Variants in RXFP1 observed in about 807,000 individuals in gnomAD.
The protein encoded by RXFP1 is relaxin family peptide receptor 1, also known as relaxin receptor 1.
In RXFP1, 73 loss-of-function variants were observed where a neutral mutation model predicts 89.8. The ratio of observed to expected loss-of-function variants is 0.81; its 90% CI spans 0.67 to 0.99. The LOEUF is 0.99. Among genes scored for constraint, RXFP1 ranks in the 50% least tolerant of loss-of-function variants. RXFP1 has a pLI of 0.00. For missense variants in RXFP1, 793 were observed against 895.5 expected (o/e 0.89, Z 1.46); for synonymous variants, 277 against 305.5 (o/e 0.91, Z 0.97).
In RXFP1 at chr4:158,647,166, T is replaced by C. The variant is rs371885790; in HGVS notation, c.1721T>C (p.Ile574Thr). ...CTTCATTCAGAAGATACAGAAAGTA[T>C]TGGAGCCCAGATTTATTCAGTGGCA... ...FPLHSEDTES[I>T]GAQIYSVAIF... The change falls in exon 16 of 18, where the codon ATT becomes ACT. Residue 574 changes from isoleucine to threonine, a missense_variant. Ile to Thr is a moderately conservative substitution (Grantham distance 89). Coordinates refer to ENST00000307765, the MANE Select transcript of RXFP1 (RefSeq NM_021634.4). 97 of 1,603,228 alleles carry C rather than the reference T, an allele frequency of 6.1e-5. No individual in the cohort carries two copies. Among genetic ancestry groups the C allele is most frequent in the Admixed American group, 4.0e-4 (23 of 57,472 alleles).
intron 3 of RXFP1, 39 bp from the exon 4 acceptor site, chr4:158,599,287 C>T: frequency 6.2e-7 from 1 of 1,613,138 alleles, no homozygotes; most frequent in Non-Finnish European, 8.5e-7. Context: ...TTCCTGGTCC[C>T]TCACTGTCAT....
chr4:158,556,741 T>C (rs1751394134), intron 1 of RXFP1, among the ~76,000 whole-genome samples: 1 of 152,174 alleles, frequency 6.6e-6, no homozygotes, highest in Non-Finnish European at 1.5e-5. Flanking sequence ...CACACATATA[T>C]TCAGCCATAA....
At chr4:158,609,937 T>C (rs1763252798) in intron 6 of RXFP1, among the ~76,000 whole-genome samples, 1 of 152,196 alleles carries the variant, frequency 6.6e-6, no homozygotes, top group African/African-American at 2.4e-5. Flanking sequence ...CCCTCTCTTT[T>C]CATAGCTTTT....
At chr4:158,621,187 A>G (rs1765565930) in intron 9 of RXFP1, among the ~76,000 whole-genome samples, 1 of 152,122 alleles carries the variant, frequency 6.6e-6, no homozygotes. Context: ...ATGCACCTGT[A>G]GGCAGTCCCA....
At chr4:158,611,632 C>A (rs1417917417) in intron 6 of RXFP1, among the ~76,000 whole-genome samples, 1 of 152,162 alleles carries the variant, frequency 6.6e-6, no homozygotes, top group East Asian at 1.9e-4. Flanking sequence ...ATGTCTTCAT[C>A]CAAGACTCTT....
chr4:158,623,502 C>CAAAAAAAAAAAAA lies in RXFP1; in HGVS notation c.756-3306_756-3294dup, dbSNP rs56692438. On this transcript the variant is annotated intron_variant, in intron 9 of 17. Coordinates refer to ENST00000307765, the MANE Select transcript of RXFP1 (RefSeq NM_021634.4). ...GGGCAACAAGAGTGAAACTCCATCT[C>CAAAAAAAAAAAAA]AAAAAAAAAAAAAAAAAAAAAAAAG... Among the ~76,000 whole-genome samples the CAAAAAAAAAAAAA allele has an allele frequency of 6.3e-4, 27 of 42,634 alleles. 1 individual carries two copies. The highest frequency in any genetic ancestry group is 1.0e-3 in the Non-Finnish European group (21 of 20,614). 28.0% of individuals were successfully genotyped at this position (42,634 alleles called of 152,430 possible).
intron 9 of RXFP1, among the ~76,000 whole-genome samples, chr4:158,626,124 ATAGATAGATAGATAG>A (rs1766702434): frequency 9.0e-6 from 1 of 111,336 alleles, no homozygotes; most frequent in African/African-American, 3.0e-5. Context: ...AGATAGATAG[ATAGATAGATAGATAG>A]ATAGATAGAT....
intron 15 of RXFP1, chr4:158,646,155 G>A (rs955259899): frequency 2.1e-5 from 6 of 282,252 alleles, no homozygotes; most frequent in Non-Finnish European, 3.5e-5. Flanking sequence ...TGGGATCGGA[G>A]ACCCTAAAAA....
intron 6 of RXFP1, among the ~76,000 whole-genome samples, chr4:158,609,454 T>C (rs1763152433): frequency 6.6e-6 from 1 of 152,236 alleles, no homozygotes; most frequent in Non-Finnish European, 1.5e-5. Flanking sequence ...AGTTCTGCCA[T>C]GCAGCATTCT....
chr4:158,585,867 T>G (rs559054082), intron 2 of RXFP1, among the ~76,000 whole-genome samples: 2 of 152,344 alleles, frequency 1.3e-5, no homozygotes, highest in Admixed American at 6.5e-5. Flanking sequence ...CCACCCACAT[T>G]AATCTTATTT....
At chr4:158,562,934 G>A (rs1015376641) in intron 1 of RXFP1, among the ~76,000 whole-genome samples, 1 of 152,186 alleles carries the variant, frequency 6.6e-6, no homozygotes, top group Non-Finnish European at 1.5e-5. Context: ...CCTAAGTAGG[G>A]GAAAGGGAGA....
intron 8 of RXFP1, among the ~76,000 whole-genome samples, chr4:158,614,094 T>G (rs886790711): frequency 6.6e-6 from 1 of 151,986 alleles, no homozygotes; most frequent in African/African-American, 2.4e-5. Context: ...GTCCCAAGAG[T>G]GGGCTTAAAA....
chr4:158,526,618 C>T (rs1742564093), intron 1 of RXFP1, among the ~76,000 whole-genome samples: 1 of 152,140 alleles, frequency 6.6e-6, no homozygotes, highest in African/African-American at 2.4e-5. Context: ...CATGTTAGAA[C>T]TTGGTATTTT....
intron 2 of RXFP1, among the ~76,000 whole-genome samples, chr4:158,575,674 A>G (rs1045027958): frequency 6.6e-6 from 1 of 152,210 alleles, no homozygotes; most frequent in Non-Finnish European, 1.5e-5. Context: ...ATCACTAGAC[A>G]TGACTCCACC....
At chr4:158,525,892 T>C (rs962161256) in intron 1 of RXFP1, among the ~76,000 whole-genome samples, 2 of 152,236 alleles carry the variant, frequency 1.3e-5, no homozygotes, top group African/African-American at 4.8e-5. Context: ...CCTATGCTAT[T>C]AAACATGATT....
intron 1 of RXFP1, among the ~76,000 whole-genome samples, chr4:158,549,401 C>T (rs987547492): frequency 6.6e-6 from 1 of 151,960 alleles, no homozygotes; most frequent in Non-Finnish European, 1.5e-5. Flanking sequence ...TTTGAATTTC[C>T]TCCTGTAGTT....
intron 1 of RXFP1, among the ~76,000 whole-genome samples, chr4:158,555,458 C>A (rs1751067029): frequency 6.6e-6 from 1 of 152,180 alleles, no homozygotes; most frequent in Non-Finnish European, 1.5e-5. Context: ...AAAAATATTT[C>A]CCTGTACTTG....
intron 1 of RXFP1, among the ~76,000 whole-genome samples, chr4:158,522,790 G>T (rs544934594): frequency 6.6e-6 from 1 of 151,976 alleles, no homozygotes; most frequent in African/African-American, 2.4e-5. Context: ...AAACTTTCTG[G>T]GTATCTTTAA....
chr4:158,652,144 AT>A lies in RXFP1; in HGVS notation c.*92del. The A allele has an allele frequency of 9.8e-7, 1 of 1,022,738 alleles. No homozygotes were observed. The highest frequency in any genetic ancestry group is 2.6e-5 in the East Asian group (1 of 38,324). 63.4% of individuals were successfully genotyped at this position (1,022,738 alleles called of 1,614,324 possible). ...GTATGAAATGAATACCACAAAATTA[AT>A]TTATAATAATAGCTAAGATAAATAT... is the stretch of plus-strand genomic sequence containing the variant. On this transcript the variant is annotated 3_prime_UTR_variant, in exon 18 of 18. Transcript: ENST00000307765.
Sources: allele counts gnomAD v4.1 joint callset (sites outside exome capture counted in the v4.1 genomes callset), GRCh38; gene constraint gnomAD v4.1.1; transcripts MANE v1.5; gene names NCBI Gene and HGNC (gene_info 2026-07-23, HGNC 2026-07-21).